Variants in AK5 observed in about 807,000 individuals in gnomAD.
AK5 encodes adenylate kinase isoenzyme 5.
AK5 carries 27 observed loss-of-function variants against 69.5 expected under a neutral mutation model. The ratio of observed to expected loss-of-function variants is 0.39; its 90% CI spans 0.29 to 0.54. AK5 has a LOEUF of 0.54. Among genes scored for constraint, AK5 ranks in the 20% least tolerant of loss-of-function variants. The probability of loss-of-function intolerance (pLI) is 0.71; values close to 1 mark genes in which losing one functional copy is unlikely to be tolerated. For synonymous variants in AK5, 260 were observed against 244.4 expected, an observed-to-expected ratio of 1.06 and a Z score of -0.60; for missense variants, 531 against 700.4, an observed-to-expected ratio of 0.76 and a Z score of 2.73.
chr1:77,325,143 A>C (rs1479679104), intron 5 of AK5, among the ~76,000 whole-genome samples: 4 of 148,980 alleles, frequency 2.7e-5, no homozygotes, highest in African/African-American at 7.4e-5. Flanking sequence ...ATGCCTGGCT[A>C]ATTTTTGTAG....
At chr1:77,427,624 A>G (rs1023732493) in intron 8 of AK5, among the ~76,000 whole-genome samples, 4 of 152,190 alleles carry the variant, frequency 2.6e-5, no homozygotes, top group African/African-American at 9.7e-5. Context: ...TCTATGAACC[A>G]TTCTCTATAT....
chr1:77,296,542 T>A (rs1268124605), intron 3 of AK5, among the ~76,000 whole-genome samples: 1 of 152,168 alleles, frequency 6.6e-6, no homozygotes, highest in Admixed American at 6.5e-5. Flanking sequence ...TCAATGTGTC[T>A]GAATTTTTTA....
chr1:77,509,180 C>T (rs191644924), intron 10 of AK5, among the ~76,000 whole-genome samples: 230 of 152,320 alleles, frequency 1.5e-3, no homozygotes, highest in African/African-American at 5.4e-3. Context: ...CACTGATATA[C>T]TATACACGGG....
At chr1:77,369,598 A>G (rs1303711251) in intron 6 of AK5, among the ~76,000 whole-genome samples, 1 of 152,158 alleles carries the variant, frequency 6.6e-6, no homozygotes, top group Non-Finnish European at 1.5e-5. Context: ...TGAGAGTTAT[A>G]TTAATTATGG....
chr1:77,385,119 A>C (rs1217082581), intron 6 of AK5, among the ~76,000 whole-genome samples: 1 of 152,166 alleles, frequency 6.6e-6, no homozygotes, highest in African/African-American at 2.4e-5. Flanking sequence ...GACTTCATGA[A>C]GGTAAATTGA....
chr1:77,502,012 C>T (rs964823982), intron 10 of AK5, among the ~76,000 whole-genome samples: 2 of 152,178 alleles, frequency 1.3e-5, no homozygotes, highest in Admixed American at 6.5e-5. Context: ...ACTATCTAGT[C>T]TTGACTTCAG....
chr1:77,382,205 A>G (rs1425102704), intron 6 of AK5, among the ~76,000 whole-genome samples: 4 of 150,688 alleles, frequency 2.7e-5, no homozygotes. Context: ...CTTTCTCGTA[A>G]GACCCATTTT....
At chr1:77,299,453 G>T (rs959490216) in intron 5 of AK5, among the ~76,000 whole-genome samples, 1 of 151,998 alleles carries the variant, frequency 6.6e-6, no homozygotes, top group African/African-American at 2.4e-5. Context: ...CACGGCCAGG[G>T]GTAGCTTTAC....
Position 77,287,013 on chromosome 1 carries a change from G to A in AK5, c.133G>A (p.Val45Ile). 6.2e-7 allele frequency: 1 copy of A among 1,609,494 alleles called. No individual in the cohort carries two copies. Among genetic ancestry groups the A allele is most frequent in the Non-Finnish European group, 8.5e-7 (1 of 1,177,462 alleles). The change falls in exon 2 of 14, where the codon GTA becomes ATA. Residue 45 changes from valine to isoleucine, a missense_variant. Coordinates refer to ENST00000354567, the MANE Select transcript of AK5 (RefSeq NM_174858.3). Reference protein sequence around the residue: ...VEYLESCLQKVKELGGCDKVK... With the variant: ...VEYLESCLQKIKELGGCDKVK... ...ATACTTGGAAAGTTGTTTACAAAAA[G>A]TAAAGGAACTGGGTGGCTGTGACAA...
chr1:77,323,739 C>A (rs377113147), intron 5 of AK5, among the ~76,000 whole-genome samples: 1 of 152,068 alleles, frequency 6.6e-6, no homozygotes, highest in African/African-American at 2.4e-5. Context: ...AAATATCATT[C>A]TTTAGTCAGT....
chr1:77,367,371 C>T (rs1184865828), intron 6 of AK5, among the ~76,000 whole-genome samples: 1 of 150,018 alleles, frequency 6.7e-6, no homozygotes, highest in Non-Finnish European at 1.5e-5. Context: ...CTCTGTCACC[C>T]AGGCTGCAGT....
intron 8 of AK5, among the ~76,000 whole-genome samples, chr1:77,422,684 C>T (rs1006185179): frequency 2.0e-5 from 3 of 152,102 alleles, no homozygotes; most frequent in East Asian, 1.9e-4. Context: ...TCAGGGGGCC[C>T]GTGATACTCT....
chr1:77,295,744 C>T (rs1658966065), intron 3 of AK5, among the ~76,000 whole-genome samples: 1 of 151,886 alleles, frequency 6.6e-6, no homozygotes, highest in Admixed American at 6.6e-5. Flanking sequence ...AATGGAAGCT[C>T]GATTGTTCAT....
Position 77,282,204 on chromosome 1 carries a change from C to A in AK5, c.-110C>A. The A allele has an allele frequency of 9.7e-7, 1 of 1,025,840 alleles. No homozygotes were observed. Among genetic ancestry groups the A allele is most frequent in the Non-Finnish European group, 1.4e-6 (1 of 709,346 alleles). The allele number at this position is 1,025,840 out of a possible 1,614,324, so 63.5% of individuals were successfully genotyped here. Reference sequence around the variant, plus strand: ...AGCTGAGTGCGCGTGAGAAAGAGGGCTGCACCGCTGCTCGGCGCGGACTCT... The same window carrying A: ...AGCTGAGTGCGCGTGAGAAAGAGGGATGCACCGCTGCTCGGCGCGGACTCT... On this transcript the variant is annotated 5_prime_UTR_variant, in exon 1 of 14. It adds an upstream start codon to the 5' untranslated region. Coordinates refer to ENST00000354567, the MANE Select transcript of AK5 (RefSeq NM_174858.3).
chr1:77,373,454 C>T (rs994827843), intron 6 of AK5, among the ~76,000 whole-genome samples: 2 of 152,106 alleles, frequency 1.3e-5, no homozygotes, highest in African/African-American at 2.4e-5. Context: ...AGGCCAGCTG[C>T]GATTGCTCAT....
intron 5 of AK5, among the ~76,000 whole-genome samples, chr1:77,310,904 T>C (rs949775962): frequency 3.9e-5 from 6 of 152,256 alleles, no homozygotes; most frequent in Middle Eastern, 3.4e-3. Flanking sequence ...TAAGGTTTTA[T>C]AATTTTTCAT....
chr1:77,556,328 A>G (rs1193905148), intron 13 of AK5, among the ~76,000 whole-genome samples: 2 of 152,106 alleles, frequency 1.3e-5, no homozygotes, highest in African/African-American at 2.4e-5. Flanking sequence ...TTATGACTTT[A>G]TTGCCTATGT....
chr1:77,433,041 C>T (rs1238052848), intron 8 of AK5, among the ~76,000 whole-genome samples: 1 of 152,062 alleles, frequency 6.6e-6, no homozygotes, highest in Admixed American at 6.6e-5. Flanking sequence ...CTTCTTTTTT[C>T]GGGTATGAGA....
At chr1:77,460,983 C>T (rs376451480) in intron 8 of AK5, among the ~76,000 whole-genome samples, 36 of 151,874 alleles carry the variant, frequency 2.4e-4, no homozygotes, top group African/African-American at 7.5e-4. Flanking sequence ...CTCAGCCTTC[C>T]AAAGTGCTGG....
Sources: gnomAD v4.1 joint callset for allele counts (sites outside exome capture counted in the v4.1 genomes callset) on GRCh38, gnomAD v4.1.1 for gene constraint, MANE v1.5 for transcripts, NCBI Gene and HGNC (gene_info 2026-07-23, HGNC 2026-07-21) for gene names.